The following EPHA3 variants were observed in gnomAD, a reference collection of about 807,000 sequenced individuals.
The protein encoded by EPHA3 is ephrin type-A receptor 3.
In EPHA3, 42 loss-of-function variants were observed where a neutral mutation model predicts 107.1. The ratio of observed to expected loss-of-function variants is 0.39; its 90% CI spans 0.31 to 0.51. The LOEUF (loss-of-function observed/expected upper bound fraction) is 0.51, where lower values mean the gene tolerates loss of function less well. EPHA3 is among the 20% of genes least tolerant of loss of function. The pLI, the probability that EPHA3 is intolerant of heterozygous loss-of-function variation, is 0.78. For synonymous variants in EPHA3, 461 were observed against 424.8 expected, an observed-to-expected ratio of 1.09 and a Z score of -1.05; for missense variants, 1,183 against 1,211.2, an observed-to-expected ratio of 0.98 and a Z score of 0.35.
At chr3:89,135,123 G>C (rs191614969) in intron 2 of EPHA3, among the ~76,000 whole-genome samples, 2 of 152,120 alleles carry the variant, frequency 1.3e-5, no homozygotes, top group South Asian at 4.1e-4. Context: ...TGATGAGAAT[G>C]TTCTCAAATA....
rs528560718 is a variant in EPHA3, at chr3:89,322,342, T to C, written c.815-18574T>C. Among the ~76,000 whole-genome samples, 4 of 152,194 alleles carry C rather than the reference T, an allele frequency of 2.6e-5. No individual in the cohort carries two copies. In the South Asian group the frequency reaches 6.2e-4, roughly 24 times the overall value. ...GGATTTGGACTAATAGCTCTAACCT[T>C]TGACTTCTCATTAACTGCTAGAAAA... On this transcript the variant is annotated intron_variant, in intron 3 of 16. Transcript: ENST00000336596.
chr3:89,337,098 A>G (rs1337810386), intron 3 of EPHA3, among the ~76,000 whole-genome samples: 1 of 151,980 alleles, frequency 6.6e-6, no homozygotes, highest in African/African-American at 2.4e-5. Context: ...AAAATCCTAA[A>G]TCCTAGAGAA....
chr3:89,366,269 G>C (rs1708182678), intron 5 of EPHA3, among the ~76,000 whole-genome samples: 1 of 150,632 alleles, frequency 6.6e-6, no homozygotes. Flanking sequence ...CCAACAGGCA[G>C]AGGGGAATAG....
intron 15 of EPHA3, among the ~76,000 whole-genome samples, chr3:89,468,127 T>C (rs1710325474): frequency 6.6e-6 from 1 of 152,172 alleles, no homozygotes; most frequent in Non-Finnish European, 1.5e-5. Context: ...TGATAAACTC[T>C]CCAGATGTCC....
At chr3:89,116,719 T>TAAAA (rs140739470) in intron 1 of EPHA3, among the ~76,000 whole-genome samples, 4 of 132,570 alleles carry the variant, frequency 3.0e-5, no homozygotes, top group African/African-American at 1.1e-4. Context: ...ACTGTAACAT[T>TAAAA]AAAAAAAAAA....
chr3:89,197,880 G>A (rs1002893401), intron 2 of EPHA3, among the ~76,000 whole-genome samples: 3 of 152,084 alleles, frequency 2.0e-5, no homozygotes, highest in African/African-American at 7.2e-5. Flanking sequence ...GGAGGCTGAG[G>A]GGGGAGAATC....
At chr3:89,285,336 C>A (rs1706054545) in intron 3 of EPHA3, among the ~76,000 whole-genome samples, 1 of 151,996 alleles carries the variant, frequency 6.6e-6, no homozygotes, top group Non-Finnish European at 1.5e-5. Flanking sequence ...TGGGAAAACA[C>A]TTAGGTGCTA....
At chr3:89,451,880 CGTGT>C (rs146055053) in intron 15 of EPHA3, among the ~76,000 whole-genome samples, 5,461 of 144,172 alleles carry the variant, frequency 0.038, 285 homozygotes, top group African/African-American at 0.12. Flanking sequence ...TCAAGCAGGG[CGTGT>C]GTGTGTGTGT....
chr3:89,195,005 T>C (rs1170222010), intron 2 of EPHA3, among the ~76,000 whole-genome samples: 4 of 152,122 alleles, frequency 2.6e-5, no homozygotes, highest in Admixed American at 1.3e-4. Flanking sequence ...CATTTCATAA[T>C]ACAGTTTCCG....
chr3:89,181,591 T>C (rs1411260344), intron 2 of EPHA3, among the ~76,000 whole-genome samples: 6 of 151,962 alleles, frequency 3.9e-5, no homozygotes, highest in Admixed American at 3.9e-4. Context: ...GTGTTTTAAA[T>C]TTGAGCTTTT....
rs1008086491 is a variant in EPHA3 at position 89,300,359 on chromosome 3, A to C, written c.815-40557A>C. ...CTTATATGTAAAGTTATATATTAAT[A>C]TGTAAAGTATATGTTTCAAACTTAT... On this transcript the variant is annotated intron_variant, in intron 3 of 16. Coordinates refer to ENST00000336596, the MANE Select transcript of EPHA3 (RefSeq NM_005233.6). 2.6e-5 allele frequency among the ~76,000 whole-genome samples: 4 copies of C among 152,212 alleles called. No homozygotes were observed. In the East Asian group the frequency reaches 7.7e-4, roughly 29 times the overall value.
At chr3:89,251,138 A>G (rs1179600640) in intron 3 of EPHA3, among the ~76,000 whole-genome samples, 1 of 152,206 alleles carries the variant, frequency 6.6e-6, no homozygotes, top group Non-Finnish European at 1.5e-5. Flanking sequence ...GACAGGTTTA[A>G]TAACCAATGT....
intron 2 of EPHA3, among the ~76,000 whole-genome samples, chr3:89,169,525 T>C (rs1172340172): frequency 6.6e-6 from 1 of 152,234 alleles, no homozygotes; most frequent in Non-Finnish European, 1.5e-5. Context: ...TATCAACTTG[T>C]TTGATAACTG....
chr3:89,293,503 T>C (rs1416072749), intron 3 of EPHA3, among the ~76,000 whole-genome samples: 1 of 152,148 alleles, frequency 6.6e-6, no homozygotes, highest in Non-Finnish European at 1.5e-5. Flanking sequence ...GTGATATAGT[T>C]TGTATCTGTG....
chr3:89,429,054 G>A, intron 11 of EPHA3, 52 bp from the exon 12 acceptor site: 1 of 1,251,304 alleles, frequency 8.0e-7, no homozygotes, highest in Non-Finnish European at 1.2e-6. Context: ...TATGTTCATT[G>A]TATAATACTT....
intron 3 of EPHA3, among the ~76,000 whole-genome samples, chr3:89,290,718 T>A (rs1706190534): frequency 6.6e-6 from 1 of 152,116 alleles, no homozygotes; most frequent in Non-Finnish European, 1.5e-5. Flanking sequence ...GCACTGCTGA[T>A]GAATTTGTTT....
intron 2 of EPHA3, among the ~76,000 whole-genome samples, chr3:89,128,043 A>G (rs546701168): frequency 2.0e-5 from 3 of 152,210 alleles, no homozygotes; most frequent in Admixed American, 2.0e-4. Flanking sequence ...TTCTAAGTAT[A>G]GTTTGTGAAA....
chr3:89,200,626 G>A (rs1238976572), intron 2 of EPHA3, among the ~76,000 whole-genome samples: 1 of 152,146 alleles, frequency 6.6e-6, no homozygotes, highest in Non-Finnish European at 1.5e-5. Flanking sequence ...TGCCCAAATT[G>A]TTCCTGGCCT....
intron 3 of EPHA3, among the ~76,000 whole-genome samples, chr3:89,324,103 C>A (rs1707106833): frequency 6.7e-6 from 1 of 149,320 alleles, no homozygotes; most frequent in African/African-American, 2.5e-5. Flanking sequence ...TTCTGTAACT[C>A]AAAAAATAGG....
Sources: allele counts gnomAD v4.1 joint callset (sites outside exome capture counted in the v4.1 genomes callset), GRCh38; gene constraint gnomAD v4.1.1; transcripts MANE v1.5; gene names NCBI Gene and HGNC (gene_info 2026-07-23, HGNC 2026-07-21).